SLC37A3: variants seen among roughly 807,000 people sequenced by gnomAD.
SLC37A3 encodes sugar phosphate exchanger 3.
A neutral mutation model predicts 67.1 loss-of-function variants in SLC37A3; 51 were observed. That is an observed-to-expected ratio of 0.76 (90% CI 0.61 to 0.96). The LOEUF (loss-of-function observed/expected upper bound fraction) is 0.96. Ranked by LOEUF, SLC37A3 falls within the 40% of genes least tolerant of loss-of-function variation. The pLI is 0.00. For synonymous variants in SLC37A3, 214 were observed against 231.4 expected (o/e 0.92, Z 0.68); for missense variants, 508 against 603.0 (o/e 0.84, Z 1.65).
chr7:140,394,828 C>T (rs561684461), intron 1 of SLC37A3, among the ~76,000 whole-genome samples: 1 of 150,620 alleles, frequency 6.6e-6, no homozygotes, highest in South Asian at 2.1e-4. Context: ...AGGCTGGTCT[C>T]GAACCCCTGA....
chr7:140,357,780 G>C (rs571455990), intron 6 of SLC37A3, among the ~76,000 whole-genome samples: 4 of 152,128 alleles, frequency 2.6e-5, no homozygotes, highest in African/African-American at 9.6e-5. Flanking sequence ...AGCCAGGTGT[G>C]GGGGCACATG....
intron 3 of SLC37A3, among the ~76,000 whole-genome samples, chr7:140,377,861 G>A (rs974747961): frequency 4.6e-5 from 7 of 152,066 alleles, no homozygotes; most frequent in South Asian, 4.2e-4. Flanking sequence ...CAAGAGCCCC[G>A]TCTCTTAAAA....
At chr7:140,380,537 C>T (rs538639324) in intron 2 of SLC37A3, 147 bp from the exon 3 acceptor site, 53 of 554,882 alleles carry the variant, frequency 9.6e-5, no homozygotes, top group African/African-American at 9.5e-4. Context: ...TTCAGAGAGG[C>T]TCTCTCAATT....
chr7:140,362,004 G>GCC (rs905304583), intron 5 of SLC37A3, among the ~76,000 whole-genome samples: 1 of 129,314 alleles, frequency 7.7e-6, no homozygotes, highest in African/African-American at 2.9e-5. Context: ...TCTCTGCCTG[G>GCC]CCCCCCATCG....
chr7:140,342,022 ATCAG>A (rs1796380039), intron 13 of SLC37A3, among the ~76,000 whole-genome samples: 2 of 152,210 alleles, frequency 1.3e-5, no homozygotes, highest in Non-Finnish European at 2.9e-5. Flanking sequence ...TGCCAAGCAT[ATCAG>A]TCATTCATTC....
At chr7:140,393,562 G>C (rs544074713) in intron 1 of SLC37A3, among the ~76,000 whole-genome samples, 23 of 152,262 alleles carry the variant, frequency 1.5e-4, no homozygotes, top group Non-Finnish European at 3.4e-4. Flanking sequence ...CTTTGTGTTT[G>C]TTCTTCCACG....
chr7:140,343,521 A>G lies in SLC37A3; in HGVS notation c.1217T>C (p.Ile406Thr). 6.2e-7 allele frequency: 1 copy of G among 1,614,216 alleles called. No individual in the cohort carries two copies. Among genetic ancestry groups the G allele is most frequent in the Non-Finnish European group, 8.5e-7 (1 of 1,180,040 alleles). ...GGPSNMISSA[I>T]SADLGRQELI... is the part of the protein sequence containing the mutation. ...CTCCTGGCGACCCAAGTCCGCAGAA[A>G]TAGCAGAACTAATCATATTAGAAGG... Residue 406 changes from isoleucine (I) to threonine (T), a missense_variant, in exon 13 of 15, where the codon ATT (isoleucine) becomes ACT (threonine). Transcript: ENST00000326232.
At chr7:140,340,992 G>A (rs1796340736) in intron 13 of SLC37A3, among the ~76,000 whole-genome samples, 1 of 151,626 alleles carries the variant, frequency 6.6e-6, no homozygotes, top group South Asian at 2.1e-4. Flanking sequence ...CTGGACTGGA[G>A]TGGTGTGATC....
chr7:140,363,588 C>T lies in SLC37A3; in HGVS notation c.375+820G>A, dbSNP rs1279444402. Among the ~76,000 whole-genome samples, 182 of 132,070 alleles carry T rather than the reference C, an allele frequency of 1.4e-3. 1 individual carries two copies. Among genetic ancestry groups the T allele is most frequent in the Middle Eastern group, 7.2e-3 (2 of 278 alleles). 86.6% of individuals were successfully genotyped at this position (132,070 alleles called of 152,430 possible). On this transcript the variant is annotated intron_variant, in intron 5 of 14. Transcript: ENST00000326232. ...CCGCAGGGTCCTCTGCCTAGGAAAA[C>T]CAGAGACCTTTGTTCACTTGTTTAT... is the stretch of plus-strand genomic sequence containing the variant.
intron 4 of SLC37A3, among the ~76,000 whole-genome samples, chr7:140,368,614 C>T (rs1258019040): frequency 6.6e-6 from 1 of 152,038 alleles, no homozygotes; most frequent in African/African-American, 2.4e-5. Flanking sequence ...AGGCCAAGGA[C>T]TCCAAAAACA....
chr7:140,386,768 T>C (rs1345413800), intron 1 of SLC37A3: 1 of 152,120 alleles, frequency 6.6e-6, no homozygotes, highest in Non-Finnish European at 1.5e-5. Context: ...ATCGGTGAAT[T>C]TTTATTTTTT....
intron 13 of SLC37A3, among the ~76,000 whole-genome samples, chr7:140,339,266 T>TTTG (rs1336052949): frequency 1.4e-4 from 20 of 145,920 alleles, no homozygotes; most frequent in African/African-American, 4.6e-4. Context: ...CCAGTTTTGT[T>TTTG]TTTTTTTTTT....
chr7:140,352,134 C>A lies in SLC37A3; in HGVS notation c.631G>T (p.Val211Leu). The change falls in exon 8 of 15, where the codon GTG (valine) becomes TTG (leucine). Residue 211 changes from valine to leucine, a missense_variant. By Grantham distance (32) the Val-to-Leu change is conservative (BLOSUM62 1). Coordinates refer to ENST00000326232, the MANE Select transcript of SLC37A3 (RefSeq NM_207113.3). ...LQYGYEYAFL[V>L]TASVQFAGGI... Reference sequence around the variant, plus strand: ...CCAGCAAACTGCACAGACGCCGTCACCAGAAAGGCATACTGGAGGAGAGGG... The same window carrying A: ...CCAGCAAACTGCACAGACGCCGTCAACAGAAAGGCATACTGGAGGAGAGGG... The A allele has an allele frequency of 1.2e-6, 2 of 1,612,208 alleles. No homozygotes were observed. Among genetic ancestry groups the A allele is most frequent in the South Asian group, 1.1e-5 (1 of 90,750 alleles).
chr7:140,374,787 C>T (rs992202077), intron 3 of SLC37A3, among the ~76,000 whole-genome samples: 1 of 151,888 alleles, frequency 6.6e-6, no homozygotes, highest in Non-Finnish European at 1.5e-5. Flanking sequence ...GAGCCCAGGA[C>T]TTCAAGGCTG....
intron 3 of SLC37A3, among the ~76,000 whole-genome samples, chr7:140,370,232 T>C (rs887415293): frequency 4.6e-5 from 7 of 152,060 alleles, no homozygotes; most frequent in African/African-American, 1.7e-4. Context: ...GTTCAACATA[T>C]ATTCAACATG....
chr7:140,357,038 C>A (rs1438976745), intron 6 of SLC37A3, among the ~76,000 whole-genome samples: 5 of 151,854 alleles, frequency 3.3e-5, no homozygotes, highest in African/African-American at 1.2e-4. Flanking sequence ...CATGGAGAAA[C>A]CCCATCTCCA....
At position 140,343,583 on chromosome 7, in the gene SLC37A3, C is replaced by T. The variant is rs923146002; in HGVS notation, c.1175-20G>A. The T allele has an allele frequency of 1.2e-6, 2 of 1,612,372 alleles. No individual in the cohort carries two copies. Among genetic ancestry groups the T allele is most frequent in the African/African-American group, 2.7e-5 (2 of 74,986 alleles). On this transcript the variant is annotated intron_variant, in intron 12 of 14. Coordinates refer to ENST00000326232, the MANE Select transcript of SLC37A3 (RefSeq NM_207113.3). Reference sequence around the variant, plus strand: ...AAAATCCTGAAGTCATAAACAGGTTCTTATTAAAACACAATTCACAACCAC... The same window carrying T: ...AAAATCCTGAAGTCATAAACAGGTTTTTATTAAAACACAATTCACAACCAC...
At chr7:140,358,909 G>T in intron 5 of SLC37A3, 124 bp from the exon 6 acceptor site, 1 of 1,214,040 alleles carries the variant, frequency 8.2e-7, no homozygotes, top group Non-Finnish European at 1.2e-6. Context: ...GCCAGTGCCT[G>T]TAAGTCACGT....
intron 14 of SLC37A3, among the ~76,000 whole-genome samples, 164 bp downstream of exon 14, chr7:140,337,117 AAAG>A (rs1209375898): frequency 2.1e-4 from 30 of 145,366 alleles, no homozygotes; most frequent in Admixed American, 2.7e-4. Context: ...AAAAAAAAAA[AAAG>A]AAGAAGAAGA....
Sources: allele counts gnomAD v4.1 joint callset (sites outside exome capture counted in the v4.1 genomes callset), GRCh38; gene constraint gnomAD v4.1.1; transcripts MANE v1.5; gene names NCBI Gene and HGNC (gene_info 2026-07-23, HGNC 2026-07-21).